THBS1: variants seen among roughly 807,000 people sequenced by gnomAD.
THBS1 encodes thrombospondin-1.
A neutral mutation model predicts 126.1 loss-of-function variants in THBS1; 29 were observed. The observed-to-expected ratio is 0.23, with a 90% CI of 0.17 to 0.31. The LOEUF (loss-of-function observed/expected upper bound fraction) is 0.31. Among genes scored for constraint, THBS1 ranks in the 10% least tolerant of loss-of-function variants. THBS1 has a pLI of 1.00. For synonymous variants in THBS1, 496 were observed against 577.8 expected (o/e 0.86, Z 2.03); for missense variants, 1,198 against 1,545.2 (o/e 0.78, Z 3.77).
At position 39,590,538 on chromosome 15, in the gene THBS1, A is replaced by G. The variant is rs754841355; in HGVS notation, c.2168A>G (p.Asn723Ser). The G allele has an allele frequency of 4.3e-6, 7 of 1,613,614 alleles. No individual in the cohort carries two copies. Residue 723 changes from asparagine to serine, a missense_variant, in exon 14 of 22, where the codon AAC becomes AGC. Coordinates refer to ENST00000260356, the MANE Select transcript of THBS1 (RefSeq NM_003246.4). Reference protein sequence around the residue: ...CKKDNCPNLPNSGQEDYDKDG... With the variant: ...CKKDNCPNLPSSGQEDYDKDG... ...TAGGATAATTGCCCCAACCTTCCCA[A>G]CTCAGGGCAGGAAGACTATGACAAG...
chr15:39,588,428 A>G, intron 9 of THBS1, 98 bp from the exon 10 acceptor site: 1 of 1,419,032 alleles, frequency 7.0e-7, no homozygotes, highest in Non-Finnish European at 9.5e-7. Context: ...CATGTGTCAG[A>G]GAAGCAGAGG....
chr15:39,593,043 C>A lies in THBS1; in HGVS notation c.2811C>A (p.Asp937Glu). The A allele has an allele frequency of 6.2e-7, 1 of 1,610,682 alleles. No homozygotes were observed. The highest frequency in any genetic ancestry group is 8.5e-7 in the Non-Finnish European group (1 of 1,178,580). ...CCTGCAAAGATGATTTTGACCATGA[C>A]AGTGTGCCAGACATCGATGACATCT... ...GDACKDDFDH[D>E]SVPDIDDICP... is the part of the protein sequence containing the mutation. The change falls in exon 18 of 22, where the codon GAC becomes GAA. Residue 937 changes from aspartate to glutamate, a missense_variant. Asp to Glu is a conservative substitution (Grantham distance 45, BLOSUM62 2). Coordinates refer to ENST00000260356, the MANE Select transcript of THBS1 (RefSeq NM_003246.4). This position sits in a 1 kb window ranked among gnomAD's most constrained non-coding sequence, Gnocchi z 5.9.
chr15:39,583,336 C>T (rs1462439129), intron 3 of THBS1, among the ~76,000 whole-genome samples: 1 of 152,180 alleles, frequency 6.6e-6, no homozygotes, highest in Admixed American at 6.5e-5. Flanking sequence ...GTCATTATAT[C>T]CTCTAGGCTT....
rs1440097891 is a variant in THBS1, at chr15:39,588,193, A to G, written c.1446A>G (p.Lys482=). ...GTGAAGGCGAAGCGCGGGAGACCAA[A>G]GCCTGCAAGAAAGACGCCTGCCCCA... ...KPCEGEARET[K]ACKKDACPIN... Residue 482 remains lysine, a synonymous_variant, in exon 9 of 22, where the codon AAA becomes AAG. Transcript: ENST00000260356. 1 of 1,614,034 alleles carries G rather than the reference A, an allele frequency of 6.2e-7. No individual in the cohort carries two copies. Among genetic ancestry groups the G allele is most frequent in the Admixed American group, 1.7e-5 (1 of 60,030 alleles).
rs1250421717 is a variant in THBS1, at chr15:39,594,238, G to A, written c.3365+42G>A. ...TCACTTTCACTTACAGTCACACTGA[G>A]GGACAAAAAGACAAAAAGTATTAAA... On this transcript the variant is annotated intron_variant, in intron 20 of 21. Coordinates refer to ENST00000260356, the MANE Select transcript of THBS1 (RefSeq NM_003246.4). The surrounding 1 kb of genome is among the most constrained non-coding windows in gnomAD (Gnocchi z 4.4). 6.2e-7 allele frequency: 1 copy of A among 1,613,536 alleles called. No individual in the cohort carries two copies. Among genetic ancestry groups the A allele is most frequent in the Middle Eastern group, 1.7e-4 (1 of 6,060 alleles).
chr15:39,588,530 T>A lies in THBS1; in HGVS notation c.1476T>A (p.Asn492Lys). 1 of 1,548,214 alleles carries A rather than the reference T, an allele frequency of 6.5e-7. No homozygotes were observed. The highest frequency in any genetic ancestry group is 8.7e-7 in the Non-Finnish European group (1 of 1,152,094). ...KACKKDACPI[N>K]GGWGPWSPWD... ...CTGTGGTTCATCTTCTTACAGTCAATGGAGGCTGGGGTCCTTGGTCACCAT... is the reference window on the plus strand; with the variant it reads ...CTGTGGTTCATCTTCTTACAGTCAAAGGAGGCTGGGGTCCTTGGTCACCAT... The change falls in exon 10 of 22, where the codon AAT (asparagine) becomes AAA (lysine). Residue 492 changes from asparagine (N) to lysine (K), a missense_variant. This residue lies in a region of THBS1 where 663 missense variants were observed against 860.1 expected (regional missense o/e 0.77). Coordinates refer to ENST00000260356, the MANE Select transcript of THBS1 (RefSeq NM_003246.4).
rs145245016 is a variant in THBS1 at position 39,594,431 on chromosome 15, G to A, written c.3496G>A (p.Glu1166Lys). 101 of 1,613,876 alleles carry A rather than the reference G, an allele frequency of 6.3e-5. No individual in the cohort carries two copies. The highest frequency in any genetic ancestry group is 8.1e-5 in the Non-Finnish European group (95 of 1,179,952). Reference sequence around the variant, plus strand: ...GGTGTTCTTCTCTGACCTGAAATACGAATGTAGAGGTAAGAGCAACATCAC... The same window carrying A: ...GGTGTTCTTCTCTGACCTGAAATACAAATGTAGAGGTAAGAGCAACATCAC... ...EMVFFSDLKY[E>K]CRDP Residue 1166 changes from glutamate to lysine, a missense_variant, in exon 21 of 22, where the codon GAA becomes AAA. Coordinates refer to ENST00000260356, the MANE Select transcript of THBS1 (RefSeq NM_003246.4). This position sits in a 1 kb window ranked among gnomAD's most constrained non-coding sequence, Gnocchi z 4.4.
At position 39,596,103 on chromosome 15, in the gene THBS1, CAGTG is replaced by C; in HGVS notation, c.*735_*738del. 3.1e-6 allele frequency: 1 copy of C among 327,702 alleles called. No individual in the cohort carries two copies. The highest frequency in any genetic ancestry group is 2.6e-5 in the South Asian group (1 of 38,772). The allele number at this position is 327,702 out of a possible 1,614,324, so 20.3% of individuals were successfully genotyped here. On this transcript the variant is annotated 3_prime_UTR_variant, in exon 22 of 22. Transcript: ENST00000260356. ...GAATCAGAATCAAACCAGTGTAAGG[CAGTG>C]CTGGCTGCCATTGCCTGGTCACATT...
intron 2 of THBS1, 111 bp downstream of exon 2, chr15:39,582,035 C>G: frequency 1.5e-6 from 2 of 1,358,722 alleles, no homozygotes; most frequent in South Asian, 1.3e-5. Context: ...GACTGGACAT[C>G]AGGACGCAGC....
intron 4 of THBS1, 97 bp from the exon 5 acceptor site, chr15:39,583,891 A>T: frequency 6.8e-7 from 1 of 1,461,454 alleles, no homozygotes; most frequent in Middle Eastern, 1.7e-4. Context: ...CTCTACCTGC[A>T]TCCTTCACAC....
chr15:39,589,901 C>T lies in THBS1; in HGVS notation c.2023C>T (p.Arg675Cys), dbSNP rs1890293100. 21 of 1,614,076 alleles carry T rather than the reference C, an allele frequency of 1.3e-5. No homozygotes were observed. Among genetic ancestry groups the T allele is most frequent in the South Asian group, 3.3e-5 (3 of 91,078 alleles). ...YLGHYSDPMYRCECKPGYAGN... is the reference protein window; with the variant it reads ...YLGHYSDPMYCCECKPGYAGN... ...GGGCCACTATAGCGACCCCATGTACCGCTGCGAGTGCAAGCCTGGCTACGC... is the reference window on the plus strand; with the variant it reads ...GGGCCACTATAGCGACCCCATGTACTGCTGCGAGTGCAAGCCTGGCTACGC... The change falls in exon 13 of 22, where the codon CGC becomes TGC. Residue 675 changes from arginine to cysteine, a missense_variant. This residue lies in a region of THBS1 where 663 missense variants were observed against 860.1 expected (regional missense o/e 0.77). Transcript: ENST00000260356. This position sits in a 1 kb window ranked among gnomAD's most constrained non-coding sequence, Gnocchi z 4.7.
intron 14 of THBS1, 118 bp from the exon 15 acceptor site, chr15:39,591,073 C>A: frequency 8.8e-7 from 1 of 1,139,410 alleles, no homozygotes; most frequent in South Asian, 1.5e-5. Flanking sequence ...ATTAGCCTAT[C>A]CACTAGGTAG....
In THBS1 at chr15:39,591,221, C is replaced by T. The variant is rs778071185; in HGVS notation, c.2284C>T (p.Gln762Ter). 6.2e-7 allele frequency: 1 copy of T among 1,614,222 alleles called. No individual in the cohort carries two copies. Among genetic ancestry groups the T allele is most frequent in the Admixed American group, 1.7e-5 (1 of 60,030 alleles). The change falls in exon 15 of 22, where the codon CAG becomes TAG. Residue 762 changes from glutamine to a stop codon, truncating the protein, a stop_gained. Coordinates refer to ENST00000260356, the MANE Select transcript of THBS1 (RefSeq NM_003246.4). LOFTEE classifies it high-confidence loss of function. ...CTGTCCATTCCATTACAACCCAGCT[C>T]AGTATGACTATGACAGAGATGATGT... ...DNCPFHYNPA[Q>*]YDYDRDDVGD...
In THBS1 at chr15:39,588,956, CAGAT is replaced by C. The variant is rs1566840511; in HGVS notation, c.1646-2_1647del. 1 of 1,614,184 alleles carries C rather than the reference CAGAT, an allele frequency of 6.2e-7. No homozygotes were observed. The highest frequency in any genetic ancestry group is 1.3e-5 in the African/African-American group (1 of 75,032). ...TGTGACTGTCTCTCTCTCCTTGTCT[CAGAT>C]GGATGCCTGTCCAATCCCTGCTTTG... On this transcript the variant is annotated splice_acceptor_variant and coding_sequence_variant, in exon 11 of 22. Coordinates refer to ENST00000260356, the MANE Select transcript of THBS1 (RefSeq NM_003246.4). LOFTEE classifies it high-confidence loss of function.
Position 39,592,879 on chromosome 15 carries a change from C to G in THBS1, c.2767+77C>G. 1 of 1,553,976 alleles carries G rather than the reference C, an allele frequency of 6.4e-7. No homozygotes were observed. The highest frequency in any genetic ancestry group is 1.2e-5 in the South Asian group (1 of 84,926). On this transcript the variant is annotated intron_variant, in intron 17 of 21. Coordinates refer to ENST00000260356, the MANE Select transcript of THBS1 (RefSeq NM_003246.4). The surrounding 1 kb of genome is among the most constrained non-coding windows in gnomAD (Gnocchi z 4.3). The stretch of plus-strand genomic sequence containing the variant: ...AGATTGAAGAAATGAAACCAAGGCT[C>G]AAAGCATTTGACAGGATGAAGGGAC...
At position 39,592,374 on chromosome 15, in the gene THBS1, C is replaced by T. The variant is rs531654998; in HGVS notation, c.2533-194C>T. 6.6e-6 allele frequency among the ~76,000 whole-genome samples: 1 copy of T among 152,120 alleles called. No individual in the cohort carries two copies. Among genetic ancestry groups the T allele is most frequent in the East Asian group, 1.9e-4 (1 of 5,182 alleles). Reference sequence around the variant, plus strand: ...CCCTTCTCAGATTTTTATACGAAAACAAAGATAAAGGAAAAAAACTTTTAA... The same window carrying T: ...CCCTTCTCAGATTTTTATACGAAAATAAAGATAAAGGAAAAAAACTTTTAA... On this transcript the variant is annotated intron_variant, in intron 16 of 21. Transcript: ENST00000260356. The surrounding 1 kb of genome is among the most constrained non-coding windows in gnomAD (Gnocchi z 4.3).
rs1318528754 is a variant in THBS1, at chr15:39,597,899, G to C, written c.*2530G>C. On this transcript the variant is annotated 3_prime_UTR_variant, in exon 22 of 22. Transcript: ENST00000260356. ...TGGGTGGGCAACACGATTGCATGTT[G>C]TGGAGACACTTCGGAAGTAAATGTG... is the stretch of plus-strand genomic sequence containing the variant. The C allele has an allele frequency of 1.3e-5, 2 of 152,214 alleles. No homozygotes were observed. The highest frequency in any genetic ancestry group is 6.5e-5 in the Admixed American group (1 of 15,288). 9.4% of individuals were successfully genotyped at this position (152,214 alleles called of 1,614,324 possible).
chr15:39,593,716 C>G lies in THBS1; in HGVS notation c.3267+48C>G. On this transcript the variant is annotated intron_variant, in intron 19 of 21. Transcript: ENST00000260356. The surrounding 1 kb of genome is among the most constrained non-coding windows in gnomAD (Gnocchi z 5.9). ...AGAGAGAGAGCTTATGGGTGCCTGA[C>G]TAGCACTGGGGATGCTGTGCTTTGA... is the stretch of plus-strand genomic sequence containing the variant. The G allele has an allele frequency of 1.9e-6, 3 of 1,597,128 alleles. No individual in the cohort carries two copies. The highest frequency in any genetic ancestry group is 2.6e-6 in the Non-Finnish European group (3 of 1,171,520).
At position 39,594,434 on chromosome 15, in the gene THBS1, T is replaced by C. The variant is rs769547039; in HGVS notation, c.3499T>C (p.Cys1167Arg). 2 of 1,614,058 alleles carry C rather than the reference T, an allele frequency of 1.2e-6. No individual in the cohort carries two copies. The highest frequency in any genetic ancestry group is 1.1e-5 in the South Asian group (1 of 91,060). ...MVFFSDLKYE[C>R]RDP is the part of the protein sequence containing the mutation. ...GTTCTTCTCTGACCTGAAATACGAA[T>C]GTAGAGGTAAGAGCAACATCACCAT... is the stretch of plus-strand genomic sequence containing the variant. Residue 1167 changes from cysteine (C) to arginine (R), a missense_variant, in exon 21 of 22, where the codon TGT (cysteine) becomes CGT (arginine). Around this residue, in one of 4 missense-constraint regions of THBS1, gnomAD observed 255 missense variants for 373.9 expected, o/e 0.68. Transcript: ENST00000260356. This position sits in a 1 kb window ranked among gnomAD's most constrained non-coding sequence, Gnocchi z 4.4.
Sources: allele counts gnomAD v4.1 joint callset (sites outside exome capture counted in the v4.1 genomes callset), GRCh38; gene constraint gnomAD v4.1.1; regional missense constraint gnomAD v4.1.1; non-coding constraint Gnocchi (gnomAD v3.1); transcripts MANE v1.5; gene names NCBI Gene and HGNC (gene_info 2026-07-23, HGNC 2026-07-21).